The following BMAL2 variants were observed in gnomAD, a reference collection of about 807,000 sequenced individuals.
BMAL2 encodes the protein basic helix-loop-helix ARNT-like protein 2.
chr12:27,349,613 T>C, the BMAL2 span, among the ~76,000 whole-genome samples: 2 of 152,310 alleles, frequency 1.3e-5, no homozygotes, highest in South Asian at 2.1e-4. Flanking sequence ...TAGTGTCTGT[T>C]TGGATCTTAT....
chr12:27,387,374 C>G, the BMAL2 span: 5 of 1,268,772 alleles, frequency 3.9e-6, no homozygotes, highest in Non-Finnish European at 5.7e-6. Context: ...TGAACAAACA[C>G]ATATTTTTAA....
At chr12:27,363,176 G>T in the BMAL2 span, among the ~76,000 whole-genome samples, 2 of 152,228 alleles carry the variant, frequency 1.3e-5, no homozygotes, top group South Asian at 4.1e-4. Context: ...GCTGCTGTTA[G>T]TATTCCATTC....
the BMAL2 span, chr12:27,401,493 A>G: frequency 1.9e-6 from 3 of 1,556,298 alleles, no homozygotes; most frequent in Non-Finnish European, 2.6e-6. Flanking sequence ...GTCATTGACT[A>G]TTATGCTGAT....
At chr12:27,390,058 C>G in the BMAL2 span, 1 of 1,600,568 alleles carries the variant, frequency 6.2e-7, no homozygotes, top group South Asian at 1.1e-5. Flanking sequence ...TGACAATATT[C>G]TTTTCCACCT....
At chr12:27,403,571 A>G in the BMAL2 span, 4 of 1,364,078 alleles carry the variant, frequency 2.9e-6, no homozygotes, top group Non-Finnish European at 4.1e-6. Flanking sequence ...AATATTTTCA[A>G]AAGTAAAAAT....
the BMAL2 span, among the ~76,000 whole-genome samples, chr12:27,402,343 C>A: frequency 6.6e-6 from 1 of 151,920 alleles, no homozygotes; most frequent in Non-Finnish European, 1.5e-5. Flanking sequence ...TTCCTGTCAC[C>A]CATCCCAGTA....
chr12:27,351,930 C>T, the BMAL2 span, among the ~76,000 whole-genome samples: 2 of 152,040 alleles, frequency 1.3e-5, no homozygotes, highest in East Asian at 3.9e-4. Flanking sequence ...ATATACCATA[C>T]AAAATTTAAT....
At chr12:27,385,487 C>G in the BMAL2 span, 1 of 1,604,930 alleles carries the variant, frequency 6.2e-7, no homozygotes, top group South Asian at 1.1e-5. Context: ...TTAGGCTTGA[C>G]AAATTCTTAT....
chr12:27,392,602 G>C, the BMAL2 span, among the ~76,000 whole-genome samples: 1 of 131,850 alleles, frequency 7.6e-6, no homozygotes, highest in African/African-American at 2.9e-5. Context: ...CCAACACTGT[G>C]TTGGTTCACC....
At chr12:27,379,071 T>C in the BMAL2 span, among the ~76,000 whole-genome samples, 300 of 152,300 alleles carry the variant, frequency 2.0e-3, 8 homozygotes, top group East Asian at 0.047. Flanking sequence ...GGAAAGTTTA[T>C]GAATTTGTGT....
the BMAL2 span, chr12:27,390,545 T>G: frequency 7.5e-6 from 2 of 265,966 alleles, no homozygotes; most frequent in Non-Finnish European, 1.4e-5. Flanking sequence ...GCTGTGAAAC[T>G]TCATTATTAC....
chr12:27,420,564 A>G, the BMAL2 span: 1 of 1,522,644 alleles, frequency 6.6e-7, no homozygotes, highest in Non-Finnish European at 8.8e-7. Flanking sequence ...AATGAGAAAC[A>G]TTTTAAAGCA....
the BMAL2 span, among the ~76,000 whole-genome samples, chr12:27,345,066 A>T: frequency 5.3e-5 from 8 of 152,302 alleles, no homozygotes; most frequent in South Asian, 1.7e-3. Flanking sequence ...AAACTCTTTT[A>T]ATTCATCCCC....
chr12:27,335,488 T>C, the BMAL2 span, among the ~76,000 whole-genome samples: 2 of 152,206 alleles, frequency 1.3e-5, no homozygotes, highest in African/African-American at 4.8e-5. Context: ...TCACCTATGA[T>C]AGTGTAAGAT....
chr12:27,367,782 G>A, the BMAL2 span, among the ~76,000 whole-genome samples: 10 of 139,086 alleles, frequency 7.2e-5, no homozygotes, highest in East Asian at 1.9e-4. Context: ...TATATAATGT[G>A]TGTATATATA....
chr12:27,387,301 A>G, the BMAL2 span: 5 of 1,605,918 alleles, frequency 3.1e-6, no homozygotes, highest in Admixed American at 8.3e-5. Context: ...TCAGTCTCCA[A>G]AATACTTAAT....
At chr12:27,347,719 A>G in the BMAL2 span, among the ~76,000 whole-genome samples, 1 of 152,154 alleles carries the variant, frequency 6.6e-6, no homozygotes, top group Non-Finnish European at 1.5e-5. Flanking sequence ...TGATGTTCAC[A>G]CCCATGCAGT....
At chr12:27,376,700 C>T in the BMAL2 span, among the ~76,000 whole-genome samples, 1 of 152,144 alleles carries the variant, frequency 6.6e-6, no homozygotes, top group Non-Finnish European at 1.5e-5. Context: ...GGGCATCTGA[C>T]TGTTAGAAAC....
the BMAL2 span, among the ~76,000 whole-genome samples, chr12:27,353,715 CA>C: frequency 7.9e-5 from 12 of 151,964 alleles, no homozygotes; most frequent in African/African-American, 2.9e-4. Flanking sequence ...AGAACTTAAA[CA>C]AATCAACCAG....
Sources: gnomAD v4.1 joint callset for allele counts (sites outside exome capture counted in the v4.1 genomes callset) on GRCh38, gnomAD v4.1.1 for gene constraint, MANE v1.5 for transcripts, NCBI Gene and HGNC (gene_info 2026-07-23, HGNC 2026-07-21) for gene names.